Variants in SLC44A3 observed in about 807,000 individuals in gnomAD.
SLC44A3 encodes choline transporter-like protein 3.
SLC44A3 carries 74 observed loss-of-function variants against 75.4 expected under a neutral mutation model. The observed-to-expected ratio is 0.98, with a 90% CI of 0.81 to 1.19. SLC44A3 has a LOEUF of 1.19. SLC44A3 is among the 50% of genes most tolerant of loss of function. The pLI is 0.00. For synonymous variants in SLC44A3, 310 were observed against 296.9 expected (o/e 1.04, Z -0.45); for missense variants, 700 against 778.6 (o/e 0.90, Z 1.20).
Position 94,824,618 on chromosome 1 carries a change from G to C in SLC44A3, c.261G>C (p.Gln87His). The change falls in exon 3 of 15, where the codon CAG becomes CAC. Residue 87 changes from glutamine (Q) to histidine (H), a missense_variant. Coordinates refer to ENST00000271227, the MANE Select transcript of SLC44A3 (RefSeq NM_001114106.3). Reference sequence around the variant, plus strand: ...TGGAAGGGGCCCCTCTTTCAGGGCAGGACATGACCCTAAAAAAGTAAGTAT... The same window carrying C: ...TGGAAGGGGCCCCTCTTTCAGGGCACGACATGACCCTAAAAAAGTAAGTAT... ...SPVEGAPLSG[Q>H]DMTLKKHVFF... 6.3e-7 allele frequency: 1 copy of C among 1,590,022 alleles called. No homozygotes were observed. Among genetic ancestry groups the C allele is most frequent in the Non-Finnish European group, 8.5e-7 (1 of 1,172,640 alleles).
At chr1:94,821,582 T>C (rs1472880575) in intron 2 of SLC44A3, among the ~76,000 whole-genome samples, 1 of 152,226 alleles carries the variant, frequency 6.6e-6, no homozygotes, top group Admixed American at 6.5e-5. Flanking sequence ...GAGGTATGTA[T>C]GATTGCTGGT....
intron 9 of SLC44A3, among the ~76,000 whole-genome samples, chr1:94,850,831 C>G (rs544745193): frequency 6.6e-6 from 1 of 152,314 alleles, no homozygotes; most frequent in African/African-American, 2.4e-5. Flanking sequence ...TTTGCTTTCT[C>G]TGGCACATTC....
intron 3 of SLC44A3, among the ~76,000 whole-genome samples, chr1:94,825,493 G>A (rs907893080): frequency 3.9e-5 from 6 of 152,016 alleles, no homozygotes; most frequent in African/African-American, 1.5e-4. Flanking sequence ...ACCAGGCCTG[G>A]CTAATTTTTG....
intron 7 of SLC44A3, among the ~76,000 whole-genome samples, chr1:94,840,315 G>T (rs1239675402): frequency 8.5e-6 from 1 of 117,256 alleles, no homozygotes; most frequent in East Asian, 2.5e-4. Flanking sequence ...TTTGAGGCAG[G>T]CTCTCACTTT....
intron 7 of SLC44A3, 90 bp downstream of exon 7, chr1:94,840,127 C>T: frequency 8.9e-7 from 1 of 1,120,682 alleles, no homozygotes; most frequent in Non-Finnish European, 1.3e-6. Context: ...CATTTTTAAG[C>T]TACATGGAGT....
chr1:94,825,591 G>C (rs1264113463), intron 3 of SLC44A3, among the ~76,000 whole-genome samples: 1 of 152,102 alleles, frequency 6.6e-6, no homozygotes, highest in Non-Finnish European at 1.5e-5. Context: ...GCCTCCCAAA[G>C]TGCTGGGATT....
intron 1 of SLC44A3, chr1:94,820,742 G>T: frequency 4.3e-6 from 6 of 1,392,114 alleles, no homozygotes; most frequent in Non-Finnish European, 5.6e-6. Context: ...TTGGCGGCAG[G>T]GGGCTTAACA....
At chr1:94,839,609 G>A (rs888290667) in intron 6 of SLC44A3, among the ~76,000 whole-genome samples, 2 of 152,012 alleles carry the variant, frequency 1.3e-5, no homozygotes, top group African/African-American at 4.8e-5. Flanking sequence ...GGCTGTTCTC[G>A]AACTCCTGAC....
intron 2 of SLC44A3, 80 bp from the exon 3 acceptor site, chr1:94,824,413 T>C (rs758099766): frequency 1.4e-6 from 2 of 1,469,312 alleles, no homozygotes; most frequent in East Asian, 2.4e-5. Context: ...GGCTCCGTTT[T>C]ATATCAGCAT....
intron 7 of SLC44A3, among the ~76,000 whole-genome samples, chr1:94,840,353 G>A (rs1250308056): frequency 7.4e-6 from 1 of 135,318 alleles, no homozygotes; most frequent in Non-Finnish European, 1.5e-5. Flanking sequence ...GCAATGGCGC[G>A]AACGCAGCTC....
chr1:94,839,921 G>T (rs779347095), intron 6 of SLC44A3, 27 bp from the exon 7 acceptor site: 6 of 1,556,942 alleles, frequency 3.9e-6, no homozygotes, highest in Non-Finnish European at 4.4e-6. Flanking sequence ...TGCTATTGAG[G>T]TTTATGTGTT....
intron 12 of SLC44A3, among the ~76,000 whole-genome samples, chr1:94,870,304 A>T (rs185616101): frequency 1.3e-5 from 2 of 152,332 alleles, no homozygotes; most frequent in Non-Finnish European, 2.9e-5. Flanking sequence ...TACAGAGGTG[A>T]TACAGAGTCA....
At chr1:94,859,447 C>T (rs535853431) in intron 10 of SLC44A3, among the ~76,000 whole-genome samples, 10 of 152,200 alleles carry the variant, frequency 6.6e-5, no homozygotes, top group Admixed American at 2.0e-4. Context: ...GCCCTAAGCC[C>T]GCTGGAGAAA....
intron 12 of SLC44A3, among the ~76,000 whole-genome samples, chr1:94,883,274 G>T (rs189789574): frequency 3.3e-5 from 5 of 152,192 alleles, no homozygotes; most frequent in Non-Finnish European, 7.4e-5. Flanking sequence ...GTCAAGTTAG[G>T]CAGACAGCTT....
intron 12 of SLC44A3, among the ~76,000 whole-genome samples, chr1:94,876,220 C>T (rs1287843425): frequency 6.6e-6 from 1 of 152,210 alleles, no homozygotes; most frequent in African/African-American, 2.4e-5. Flanking sequence ...AACATTACTC[C>T]CAGTGCTCAA....
At chr1:94,877,631 C>T (rs1393987836) in intron 12 of SLC44A3, among the ~76,000 whole-genome samples, 5 of 152,142 alleles carry the variant, frequency 3.3e-5, no homozygotes, top group African/African-American at 4.8e-5. Context: ...GAAGAGGAAG[C>T]GGCTAAGAGA....
chr1:94,825,908 A>G (rs979640996), intron 3 of SLC44A3: 10 of 456,150 alleles, frequency 2.2e-5, no homozygotes, highest in African/African-American at 4.0e-5. Flanking sequence ...TTGTGTTCAT[A>G]ATGCAGTGTC....
chr1:94,824,084 A>T (rs899373311), intron 2 of SLC44A3, among the ~76,000 whole-genome samples: 12 of 152,182 alleles, frequency 7.9e-5, no homozygotes, highest in Admixed American at 2.0e-4. Flanking sequence ...AAAACAAAAA[A>T]AGTAGTAGAA....
intron 7 of SLC44A3, among the ~76,000 whole-genome samples, chr1:94,841,309 A>T (rs1403900924): frequency 1.3e-5 from 2 of 152,198 alleles, no homozygotes; most frequent in Non-Finnish European, 2.9e-5. Flanking sequence ...TTTAATTTTT[A>T]AAAACTGATG....
Sources: gnomAD v4.1 joint callset for allele counts (sites outside exome capture counted in the v4.1 genomes callset) on GRCh38, gnomAD v4.1.1 for gene constraint, MANE v1.5 for transcripts, NCBI Gene and HGNC (gene_info 2026-07-23, HGNC 2026-07-21) for gene names.